The following PTPRM variants were observed in gnomAD, a reference collection of about 807,000 sequenced individuals.
The protein encoded by PTPRM is protein tyrosine phosphatase receptor type M.
Under a neutral mutation model 186.7 loss-of-function variants are expected in PTPRM, and 47 were observed. That is an observed-to-expected ratio of 0.25 (90% CI 0.20 to 0.32). The LOEUF (loss-of-function observed/expected upper bound fraction) is 0.32. Among genes scored for constraint, PTPRM ranks in the 10% least tolerant of loss-of-function variants. The pLI is 1.00. For missense variants in PTPRM, 1,494 were observed against 1,865.0 expected (o/e 0.80, Z 3.66); for synonymous variants, 668 against 674.9 (o/e 0.99, Z 0.16).
At chr18:8,023,885 A>G (rs2085394446) in intron 7 of PTPRM, among the ~76,000 whole-genome samples, 1 of 138,696 alleles carries the variant, frequency 7.2e-6, no homozygotes, top group Non-Finnish European at 1.6e-5. Flanking sequence ...CACCCCTCCT[A>G]TGAATGAACC....
At chr18:8,230,372 C>T (rs2094271716) in intron 14 of PTPRM, among the ~76,000 whole-genome samples, 2 of 152,206 alleles carry the variant, frequency 1.3e-5, no homozygotes, top group African/African-American at 2.4e-5. Flanking sequence ...TCACCTCAGT[C>T]AACAGCTATA....
intron 14 of PTPRM, among the ~76,000 whole-genome samples, chr18:8,177,277 A>G (rs1370337953): frequency 6.6e-6 from 1 of 152,236 alleles, no homozygotes; most frequent in Non-Finnish European, 1.5e-5. Flanking sequence ...CTCTTTGTTT[A>G]TTCATTCAAC....
chr18:7,844,735 G>T (rs992502440), intron 2 of PTPRM, among the ~76,000 whole-genome samples: 1 of 152,172 alleles, frequency 6.6e-6, no homozygotes, highest in African/African-American at 2.4e-5. Flanking sequence ...AGCTTTCCAA[G>T]TCTGATTTCT....
At chr18:8,033,882 G>T (rs185082241) in intron 7 of PTPRM, among the ~76,000 whole-genome samples, 22 of 152,270 alleles carry the variant, frequency 1.4e-4, no homozygotes, top group African/African-American at 5.3e-4. Flanking sequence ...CAAGGTGTTG[G>T]CAGGGCCGTG....
At chr18:8,331,894 T>C (rs1449069388) in intron 22 of PTPRM, among the ~76,000 whole-genome samples, 2 of 152,236 alleles carry the variant, frequency 1.3e-5, no homozygotes, top group African/African-American at 4.8e-5. Flanking sequence ...GCAGCCTTGA[T>C]AGCAGCGCCA....
intron 19 of PTPRM, among the ~76,000 whole-genome samples, chr18:8,273,550 TCC>T (rs1423525350): frequency 5.3e-5 from 8 of 152,312 alleles, no homozygotes; most frequent in African/African-American, 1.9e-4. Context: ...CCATGCATCT[TCC>T]TCCACAGCTC....
chr18:8,189,641 A>G (rs1157085476), intron 14 of PTPRM, among the ~76,000 whole-genome samples: 3 of 152,150 alleles, frequency 2.0e-5, no homozygotes, highest in Non-Finnish European at 2.9e-5. Context: ...GGGGTGGAGT[A>G]TAGGGGAAGG....
intron 1 of PTPRM, among the ~76,000 whole-genome samples, chr18:7,702,476 C>T (rs1370823868): frequency 6.6e-6 from 1 of 152,168 alleles, no homozygotes; most frequent in Non-Finnish European, 1.5e-5. Flanking sequence ...TTGTTGGCCT[C>T]ATAAATGTCT....
chr18:7,782,443 G>A (rs2042901865), intron 2 of PTPRM, among the ~76,000 whole-genome samples: 2 of 152,202 alleles, frequency 1.3e-5, no homozygotes, highest in Admixed American at 1.3e-4. Context: ...AATATACATA[G>A]CGTCAAATTT....
chr18:8,132,542 T>C (rs1310657522), intron 13 of PTPRM, among the ~76,000 whole-genome samples: 2 of 152,002 alleles, frequency 1.3e-5, no homozygotes, highest in African/African-American at 4.8e-5. Flanking sequence ...TTATTAGACA[T>C]TTCTCTGTTT....
In PTPRM at chr18:7,838,926, G is replaced by A. The variant is rs376618693; in HGVS notation, c.197-49180G>A. Among the ~76,000 whole-genome samples, 13 of 152,268 alleles carry A rather than the reference G, an allele frequency of 8.5e-5. No individual in the cohort carries two copies. In the South Asian group the frequency reaches 2.7e-3, roughly 32 times the overall value. On this transcript the variant is annotated intron_variant, in intron 2 of 32. Coordinates refer to ENST00000580170, the MANE Select transcript of PTPRM (RefSeq NM_001105244.2). ...TTCCCTCCCCTTTCCAAAGGCAGAG[G>A]TGCCTCATTCCATCGCCACAGCCAC...
chr18:7,597,308 G>A (rs757913403), intron 1 of PTPRM, among the ~76,000 whole-genome samples: 1 of 152,154 alleles, frequency 6.6e-6, no homozygotes, highest in Non-Finnish European at 1.5e-5. Context: ...AAGTGGGGCT[G>A]GTGAGAGAAT....
rs1408440570 is a variant in PTPRM, at chr18:8,379,648, A to G, written c.3786+308A>G. On this transcript the variant is annotated intron_variant, in intron 28 of 32. Transcript: ENST00000580170. Reference sequence around the variant, plus strand: ...GACACCATGGCAGGAAAATGGGTTAATAGATTTGCAGCATTATTTTAGTTC... The same window carrying G: ...GACACCATGGCAGGAAAATGGGTTAGTAGATTTGCAGCATTATTTTAGTTC... Among the ~76,000 whole-genome samples the G allele has an allele frequency of 2.0e-5, 3 of 152,140 alleles. No individual in the cohort carries two copies. The East Asian group carries it at 5.8e-4, about 29-fold the overall frequency.
At chr18:7,646,050 C>A (rs991357392) in intron 1 of PTPRM, among the ~76,000 whole-genome samples, 2 of 152,122 alleles carry the variant, frequency 1.3e-5, no homozygotes, top group African/African-American at 2.4e-5. Flanking sequence ...TGTGGGGAAC[C>A]CATTAAAATC....
intron 2 of PTPRM, among the ~76,000 whole-genome samples, chr18:7,801,698 A>T (rs897980247): frequency 1.3e-5 from 2 of 152,190 alleles, no homozygotes; most frequent in Non-Finnish European, 2.9e-5. Flanking sequence ...TTTTTACACT[A>T]GCAGCAACAC....
At chr18:7,850,663 A>G (rs531655804) in intron 2 of PTPRM, among the ~76,000 whole-genome samples, 1 of 152,226 alleles carries the variant, frequency 6.6e-6, no homozygotes, top group Non-Finnish European at 1.5e-5. Flanking sequence ...GATTTCTCAC[A>G]GTGACTGAAG....
intron 11 of PTPRM, among the ~76,000 whole-genome samples, chr18:8,091,153 A>T (rs534285093): frequency 6.6e-6 from 1 of 152,172 alleles, no homozygotes; most frequent in African/African-American, 2.4e-5. Context: ...TACAGATCCA[A>T]ATGCTTGTCA....
intron 22 of PTPRM, among the ~76,000 whole-genome samples, chr18:8,329,101 T>TA (rs1176553111): frequency 2.0e-5 from 3 of 152,240 alleles, no homozygotes; most frequent in Non-Finnish European, 2.9e-5. Context: ...GTCCTGTTGT[T>TA]AAGCAAGCAC....
chr18:7,996,285 A>G (rs1049547943), intron 7 of PTPRM, among the ~76,000 whole-genome samples: 8 of 152,170 alleles, frequency 5.3e-5, no homozygotes, highest in African/African-American at 1.7e-4. Context: ...CACTACATCA[A>G]TAGTATAAAA....
Sources: allele counts gnomAD v4.1 joint callset (sites outside exome capture counted in the v4.1 genomes callset), GRCh38; gene constraint gnomAD v4.1.1; transcripts MANE v1.5; gene names NCBI Gene and HGNC (gene_info 2026-07-23, HGNC 2026-07-21).